The following IL1RAPL2 variants were observed in gnomAD, a reference collection of about 807,000 sequenced individuals.
IL1RAPL2 encodes interleukin 1 receptor accessory protein like 2.
IL1RAPL2 carries 3 observed loss-of-function variants against 44.1 expected under a neutral mutation model. The observed-to-expected ratio is 0.07, with a 90% confidence interval of 0.03 to 0.18. The LOEUF (loss-of-function observed/expected upper bound fraction) is 0.18, where lower values mean the gene tolerates loss of function less well. Among genes scored for constraint, IL1RAPL2 ranks in the 10% least tolerant of loss-of-function variants. IL1RAPL2 has a pLI of 1.00. For synonymous variants in IL1RAPL2, 181 were observed against 178.8 expected (o/e 1.01, Z -0.10); for missense variants, 391 against 496.4 (o/e 0.79, Z 2.02).
intron 4 of IL1RAPL2, among the ~76,000 whole-genome samples, chrX:105,249,996 A>G (rs955999171): frequency 9.0e-6 from 1 of 111,622 alleles, no homozygotes; most frequent in Non-Finnish European, 1.9e-5. Context: ...ACTGTGGTAC[A>G]TTCATATAAT....
At position 105,446,435 on chromosome X, in the gene IL1RAPL2, T is replaced by C. The variant is rs191967681; in HGVS notation, c.698-37878T>C. ...AGGACTTATTCCTCCCATTTTGGTA[T>C]TGGTTTCTGGTTGTTTTGTGTCCTC... On this transcript the variant is annotated intron_variant, in intron 5 of 10. Transcript: ENST00000372582. Among the ~76,000 whole-genome samples the C allele has an allele frequency of 4.7e-4, 52 of 111,419 alleles. 1 individual carries two copies. Among genetic ancestry groups the C allele is most frequent in the Non-Finnish European group, 9.4e-4 (50 of 52,947 alleles).
At chrX:105,307,919 T>C (rs1007102048) in intron 5 of IL1RAPL2, among the ~76,000 whole-genome samples, 5 of 107,922 alleles carry the variant, frequency 4.6e-5, no homozygotes, top group African/African-American at 1.7e-4. Context: ...AAGCTCATTT[T>C]ATGCTTTCTC....
At chrX:105,458,485 A>G (rs1317293110) in intron 5 of IL1RAPL2, among the ~76,000 whole-genome samples, 1 of 111,900 alleles carries the variant, frequency 8.9e-6, no homozygotes, top group Non-Finnish European at 1.9e-5. Context: ...GAGTTATGCA[A>G]CCATCACCAG....
chrX:105,669,254 C>T (rs1353091824), intron 6 of IL1RAPL2, among the ~76,000 whole-genome samples: 1 of 111,623 alleles, frequency 9.0e-6, no homozygotes, highest in East Asian at 2.8e-4. Flanking sequence ...AAAGATTTCC[C>T]ATGTTGATTA....
chrX:105,085,008 A>G (rs1019187582), intron 2 of IL1RAPL2, among the ~76,000 whole-genome samples: 3 of 111,892 alleles, frequency 2.7e-5, no homozygotes, highest in Non-Finnish European at 5.6e-5. Context: ...GCCTGCTGCC[A>G]TGTAAGACGT....
At chrX:104,736,619 ACACTAC>A (rs1164535815) in intron 2 of IL1RAPL2, among the ~76,000 whole-genome samples, 1 of 112,359 alleles carries the variant, frequency 8.9e-6, no homozygotes, top group Non-Finnish European at 1.9e-5. Flanking sequence ...TAAGAACACA[ACACTAC>A]CAAAAGCAAA....
At chrX:105,564,135 C>CT (rs1001731508) in intron 6 of IL1RAPL2, among the ~76,000 whole-genome samples, 2 of 111,195 alleles carry the variant, frequency 1.8e-5, no homozygotes, top group Admixed American at 9.6e-5. Context: ...TCTCTCAGGC[C>CT]TATTTTATAA....
chrX:105,055,976 A>G (rs1295856679), intron 2 of IL1RAPL2, among the ~76,000 whole-genome samples: 4 of 112,313 alleles, frequency 3.6e-5, no homozygotes, highest in Non-Finnish European at 7.5e-5. Flanking sequence ...TTAAAAAGCA[A>G]CATCTTCCTA....
chrX:104,768,308 C>G (rs1435542009), intron 2 of IL1RAPL2, among the ~76,000 whole-genome samples: 2 of 111,498 alleles, frequency 1.8e-5, no homozygotes, highest in Non-Finnish European at 3.8e-5. Context: ...GTCTTCCTGC[C>G]TCAACCCTTT....
At chrX:105,427,857 G>A (rs1288899532) in intron 5 of IL1RAPL2, among the ~76,000 whole-genome samples, 1 of 111,659 alleles carries the variant, frequency 9.0e-6, no homozygotes, top group African/African-American at 3.3e-5. Flanking sequence ...TTCTGATTCA[G>A]TTTCTATTGA....
At chrX:105,111,367 C>T (rs777636933) in intron 2 of IL1RAPL2, among the ~76,000 whole-genome samples, 5 of 111,406 alleles carry the variant, frequency 4.5e-5, no homozygotes, top group African/African-American at 1.6e-4. Context: ...GGCCTCTTCT[C>T]TTGTAGTTTG....
chrX:105,281,085 G>A (rs768717088), intron 5 of IL1RAPL2, among the ~76,000 whole-genome samples: 139 of 111,771 alleles, frequency 1.2e-3, no homozygotes, highest in African/African-American at 4.3e-3. Flanking sequence ...ATGGAATACT[G>A]TGCAGCCATA....
At chrX:105,362,654 T>C (rs2035256300) in intron 5 of IL1RAPL2, among the ~76,000 whole-genome samples, 1 of 110,829 alleles carries the variant, frequency 9.0e-6, no homozygotes, top group Non-Finnish European at 1.9e-5. Context: ...AATCTCAACA[T>C]TCCAGAAAAT....
At chrX:104,813,999 T>C (rs920582060) in intron 2 of IL1RAPL2, among the ~76,000 whole-genome samples, 1 of 111,467 alleles carries the variant, frequency 9.0e-6, no homozygotes, top group Non-Finnish European at 1.9e-5. Context: ...TTAGACTCTG[T>C]TTTTTTCCCT....
At position 104,692,759 on chromosome X, in the gene IL1RAPL2, C is replaced by G. The variant is rs772318976; in HGVS notation, c.82+33764C>G. Among the ~76,000 whole-genome samples the G allele has an allele frequency of 4.5e-5, 5 of 111,745 alleles. No individual in the cohort carries two copies. The South Asian group carries it at 1.9e-3, about 42-fold the overall frequency. ...CAATCTATCATCGTTGGACACTTGG[C>G]TTGGTTCCAAGTCTTTGCTATTGTG... On this transcript the variant is annotated intron_variant, in intron 2 of 10. Transcript: ENST00000372582.
At chrX:104,928,974 T>C (rs1322697177) in intron 2 of IL1RAPL2, among the ~76,000 whole-genome samples, 1 of 111,945 alleles carries the variant, frequency 8.9e-6, no homozygotes, top group East Asian at 2.8e-4. Context: ...CTTTATTTTC[T>C]TAAAGAAATA....
At chrX:104,909,880 C>T (rs1924174131) in intron 2 of IL1RAPL2, among the ~76,000 whole-genome samples, 1 of 112,461 alleles carries the variant, frequency 8.9e-6, no homozygotes, top group Non-Finnish European at 1.9e-5. Flanking sequence ...GTGGGCTCCA[C>T]CCAGTTCGAG....
intron 2 of IL1RAPL2, among the ~76,000 whole-genome samples, chrX:105,165,359 A>G (rs1052677317): frequency 9.0e-6 from 1 of 111,697 alleles, no homozygotes; most frequent in African/African-American, 3.3e-5. Flanking sequence ...AGTTCTCCAC[A>G]TGCAATCTCT....
At chrX:105,269,226 G>A (rs1348713555) in intron 5 of IL1RAPL2, among the ~76,000 whole-genome samples, 2 of 109,878 alleles carry the variant, frequency 1.8e-5, no homozygotes, top group African/African-American at 6.6e-5. Context: ...AAAAGGTCTG[G>A]ATGACCTTTT....
Sources: gnomAD v4.1 joint callset for allele counts (sites outside exome capture counted in the v4.1 genomes callset) on GRCh38, gnomAD v4.1.1 for gene constraint, MANE v1.5 for transcripts, NCBI Gene and HGNC (gene_info 2026-07-23, HGNC 2026-07-21) for gene names.